PTPRN2: variants seen among roughly 807,000 people sequenced by gnomAD.
PTPRN2 encodes the protein protein tyrosine phosphatase receptor type N2.
A neutral mutation model predicts 118.8 loss-of-function variants in PTPRN2; 74 were observed. The ratio of observed to expected loss-of-function variants is 0.62; its 90% CI spans 0.52 to 0.76. PTPRN2 has a LOEUF of 0.76. Among genes scored for constraint, PTPRN2 ranks in the 30% least tolerant of loss-of-function variants. The pLI is 0.00. For missense variants in PTPRN2, 1,481 were observed against 1,394.4 expected, an observed-to-expected ratio of 1.06 and a Z score of -0.99; for synonymous variants, 641 against 608.0, an observed-to-expected ratio of 1.05 and a Z score of -0.80.
chr7:157,803,061 T>A (rs1805417193), intron 12 of PTPRN2, among the ~76,000 whole-genome samples: 1 of 152,172 alleles, frequency 6.6e-6, no homozygotes, highest in Non-Finnish European at 1.5e-5. Flanking sequence ...ACCTCCCAGA[T>A]TCAAGTGATT....
intron 13 of PTPRN2, among the ~76,000 whole-genome samples, chr7:157,661,031 G>A (rs1408005670): frequency 6.6e-6 from 1 of 152,366 alleles, no homozygotes; most frequent in South Asian, 2.1e-4. Context: ...TGGGATTACA[G>A]GCGTGAGCCA....
At chr7:157,541,197 A>G (rs995699010) in intron 22 of PTPRN2, among the ~76,000 whole-genome samples, 1 of 152,202 alleles carries the variant, frequency 6.6e-6, no homozygotes, top group Non-Finnish European at 1.5e-5. Context: ...TGCAGACACT[A>G]CAAAGACGTG....
At chr7:158,377,955 G>T (rs1482843690) in intron 2 of PTPRN2, among the ~76,000 whole-genome samples, 2 of 152,090 alleles carry the variant, frequency 1.3e-5, no homozygotes, top group African/African-American at 4.8e-5. Flanking sequence ...AGCTCTGTGT[G>T]GTCCAGATGT....
At chr7:158,491,177 G>T (rs944465640) in intron 1 of PTPRN2, among the ~76,000 whole-genome samples, 7 of 152,246 alleles carry the variant, frequency 4.6e-5, no homozygotes, top group African/African-American at 1.7e-4. Flanking sequence ...AGGCAGCACA[G>T]AGCCTAGCAG....
At chr7:157,613,022 C>T (rs1802474260) in intron 15 of PTPRN2, among the ~76,000 whole-genome samples, 1 of 152,166 alleles carries the variant, frequency 6.6e-6, no homozygotes. Context: ...TGAGGAGGGG[C>T]CGGGGTGCTT....
chr7:158,038,289 CA>C (rs1319197453), intron 11 of PTPRN2, among the ~76,000 whole-genome samples: 1 of 152,164 alleles, frequency 6.6e-6, no homozygotes, highest in Non-Finnish European at 1.5e-5. Flanking sequence ...TGAAGACATA[CA>C]CTGCAGGAGA....
intron 2 of PTPRN2, among the ~76,000 whole-genome samples, chr7:158,361,333 G>A (rs78628337): frequency 0.75 from 3,578 of 4,772 alleles, 1,433 homozygotes; most frequent in African/African-American, 0.81. Flanking sequence ...CACCTGGGAC[G>A]ACTCACAAAC....
intron 11 of PTPRN2, among the ~76,000 whole-genome samples, chr7:158,011,960 A>G (rs1806078962): frequency 1.3e-5 from 2 of 152,180 alleles, no homozygotes; most frequent in South Asian, 4.1e-4. Context: ...TTGAAAAACT[A>G]CAACAATAAG....
intron 3 of PTPRN2, among the ~76,000 whole-genome samples, chr7:158,260,180 A>C (rs567929590): frequency 6.6e-6 from 1 of 152,348 alleles, no homozygotes; most frequent in Admixed American, 6.5e-5. Flanking sequence ...GGAGAAGCAC[A>C]TCAGTACAGT....
intron 2 of PTPRN2, among the ~76,000 whole-genome samples, chr7:158,359,118 C>A (rs918595086): frequency 4.6e-5 from 7 of 152,182 alleles, no homozygotes; most frequent in African/African-American, 1.4e-4. Context: ...ATCTGGGAGG[C>A]CCCATCAGCA....
intron 3 of PTPRN2, among the ~76,000 whole-genome samples, chr7:158,302,499 C>A (rs73746469): frequency 4.6e-5 from 7 of 152,242 alleles, no homozygotes; most frequent in African/African-American, 1.7e-4. Context: ...GCTTCCCTCA[C>A]CTGTACGGGG....
At position 157,539,128 on chromosome 7, in the gene PTPRN2, CA is replaced by C. The variant is rs1563193744; in HGVS notation, c.*1585del. On this transcript the variant is annotated 3_prime_UTR_variant, in exon 23 of 23. Coordinates refer to ENST00000389418, the MANE Select transcript of PTPRN2 (RefSeq NM_002847.5). ...CTCACACCGGAGGTTTCTCTTCAAA[CA>C]TAAGGAGTTAGAAATTACAAGTAGG... is the stretch of plus-strand genomic sequence containing the variant. 6.6e-6 allele frequency: 1 copy of C among 152,164 alleles called. No homozygotes were observed. Among genetic ancestry groups the C allele is most frequent in the African/African-American group, 2.4e-5 (1 of 41,410 alleles). 9.4% of individuals were successfully genotyped at this position (152,164 alleles called of 1,614,324 possible). A position where few individuals can be genotyped will look rare whatever the true frequency, so the allele number is the denominator to read the frequency against.
At chr7:158,470,295 G>A (rs1336163149) in intron 2 of PTPRN2, among the ~76,000 whole-genome samples, 1 of 152,230 alleles carries the variant, frequency 6.6e-6, no homozygotes, top group Non-Finnish European at 1.5e-5. Context: ...CATTTTCCTA[G>A]TGACTTGTGG....
intron 2 of PTPRN2, among the ~76,000 whole-genome samples, chr7:158,393,313 C>T (rs1453638094): frequency 1.3e-5 from 2 of 152,248 alleles, no homozygotes; most frequent in East Asian, 1.9e-4. Flanking sequence ...GTACTTAACA[C>T]GCTCTGCCAC....
intron 12 of PTPRN2, among the ~76,000 whole-genome samples, chr7:157,833,149 C>T (rs1042915380): frequency 2.1e-3 from 236 of 114,282 alleles, no homozygotes; most frequent in Middle Eastern, 0.015. Context: ...CCCATATGAT[C>T]GTAAACTCGT....
chr7:158,315,437 C>T (rs1802232728), intron 3 of PTPRN2, among the ~76,000 whole-genome samples: 1 of 150,660 alleles, frequency 6.6e-6, no homozygotes, highest in Non-Finnish European at 1.5e-5. Flanking sequence ...GAACCCAGGA[C>T]CCCATGAAGG....
rs1798334670 is a variant in PTPRN2, at chr7:157,546,665, A to G, written c.2976+2281T>C. Reference sequence around the variant, plus strand: ...GGTGTATATGTGCCACATTTTCTTTATCCAGTCTATCATTGATGGGCATTT... The same window carrying G: ...GGTGTATATGTGCCACATTTTCTTTGTCCAGTCTATCATTGATGGGCATTT... On this transcript the variant is annotated intron_variant, in intron 22 of 22. Transcript: ENST00000389418. 2.0e-5 allele frequency among the ~76,000 whole-genome samples: 3 copies of G among 152,090 alleles called. No homozygotes were observed. In the South Asian group the frequency reaches 6.2e-4, roughly 31 times the overall value.
Position 157,729,896 on chromosome 7 carries a change from T to A in PTPRN2, c.1789-46959A>T, listed in dbSNP as rs1276111497. On this transcript the variant is annotated intron_variant, in intron 12 of 22. Coordinates refer to ENST00000389418, the MANE Select transcript of PTPRN2 (RefSeq NM_002847.5). This position sits in a 1 kb window ranked among gnomAD's most constrained non-coding sequence, Gnocchi z 4.3. The stretch of plus-strand genomic sequence containing the variant: ...GTGTTTAGATTAAACCTGATCCACG[T>A]GTGTCTGTGAGTGTGACTCGGAGGA... Among the ~76,000 whole-genome samples the A allele has an allele frequency of 6.6e-6, 1 of 152,088 alleles. No individual in the cohort carries two copies. The highest frequency in any genetic ancestry group is 6.5e-5 in the Admixed American group (1 of 15,272).
intron 2 of PTPRN2, among the ~76,000 whole-genome samples, chr7:158,377,202 G>A (rs1289653681): frequency 9.3e-6 from 1 of 107,264 alleles, no homozygotes; most frequent in East Asian, 2.9e-4. Flanking sequence ...CCTGAGAGGG[G>A]GGTCAGGGGA....
Sources: allele counts gnomAD v4.1 joint callset (sites outside exome capture counted in the v4.1 genomes callset), GRCh38; gene constraint gnomAD v4.1.1; non-coding constraint Gnocchi (gnomAD v3.1); transcripts MANE v1.5; gene names NCBI Gene and HGNC (gene_info 2026-07-23, HGNC 2026-07-21).